PREX1: variants seen among roughly 807,000 people sequenced by gnomAD.
PREX1 encodes the protein phosphatidylinositol 3,4,5-trisphosphate-dependent Rac exchanger 1 protein.
PREX1 carries 41 observed loss-of-function variants against 198.3 expected under a neutral mutation model. The ratio of observed to expected loss-of-function variants is 0.21; its 90% CI spans 0.16 to 0.27. The LOEUF (loss-of-function observed/expected upper bound fraction) is 0.27, where lower values mean the gene tolerates loss of function less well. Ranked by LOEUF, PREX1 falls within the 10% of genes least tolerant of loss-of-function variation. The probability of loss-of-function intolerance (pLI) is 1.00; values close to 1 mark genes in which losing one functional copy is unlikely to be tolerated. For synonymous variants in PREX1, 843 were observed against 887.2 expected, an observed-to-expected ratio of 0.95 and a Z score of 0.89; for missense variants, 1,620 against 2,200.7, an observed-to-expected ratio of 0.74 and a Z score of 5.28.
chr20:48,670,889 C>T (rs762466414), intron 14 of PREX1, among the ~76,000 whole-genome samples: 1 of 152,164 alleles, frequency 6.6e-6, no homozygotes, highest in Non-Finnish European at 1.5e-5. Flanking sequence ...ATAACCCAAG[C>T]CTCAGTTTCT....
chr20:48,649,421 G>T lies in PREX1; in HGVS notation c.3184C>A (p.Arg1062=), dbSNP rs186606574. 2 of 1,614,010 alleles carry T rather than the reference G, an allele frequency of 1.2e-6. No homozygotes were observed. Among genetic ancestry groups the T allele is most frequent in the Admixed American group, 1.7e-5 (1 of 60,000 alleles). Residue 1062 remains arginine, a synonymous_variant, in exon 25 of 40, where the codon CGG becomes AGG. Transcript: ENST00000371941. ...PASGTLGQED[R]GLSFLLKQED... ...TGCTTGAGTAGGAAGCTGAGGCCCC[G>T]GTCTTCCTGACCAAGGGTCCCACTG...
intron 37 of PREX1, among the ~76,000 whole-genome samples, chr20:48,628,468 T>A (rs2089290091): frequency 6.6e-6 from 1 of 152,140 alleles, no homozygotes; most frequent in South Asian, 2.1e-4. Context: ...AACCTCAGCC[T>A]CCCTATACTA....
At chr20:48,880,302 T>C in the PREX1 span, among the ~76,000 whole-genome samples, 23 of 152,266 alleles carry the variant, frequency 1.5e-4, no homozygotes, top group Middle Eastern at 3.4e-3. Context: ...GTATATCCGA[T>C]TGGTATTGTG....
chr20:48,848,036 A>G, the PREX1 span, among the ~76,000 whole-genome samples: 1 of 152,178 alleles, frequency 6.6e-6, no homozygotes, highest in Non-Finnish European at 1.5e-5. Context: ...CTTTGGGGCT[A>G]TTATGAAAGA....
At chr20:48,774,913 C>T (rs574669649) in intron 1 of PREX1, among the ~76,000 whole-genome samples, 4 of 152,344 alleles carry the variant, frequency 2.6e-5, no homozygotes, top group South Asian at 2.1e-4. Context: ...TTCCACAGAG[C>T]GAGGCTGAAT....
At chr20:48,645,106 G>C (rs1012430928) in intron 26 of PREX1, among the ~76,000 whole-genome samples, 1 of 152,252 alleles carries the variant, frequency 6.6e-6, no homozygotes, top group Non-Finnish European at 1.5e-5. Context: ...ACAGACGCCA[G>C]GCGAGCAGCC....
intron 14 of PREX1, among the ~76,000 whole-genome samples, chr20:48,675,925 TAC>T (rs1430687842): frequency 6.6e-6 from 1 of 151,698 alleles, no homozygotes; most frequent in Non-Finnish European, 1.5e-5. Context: ...TAATACCAGC[TAC>T]TTGGGAGGCT....
chr20:48,828,009 G>A (rs1256427736), upstream of PREX1: 1 of 176,792 alleles, frequency 5.7e-6, no homozygotes, highest in Non-Finnish European at 1.1e-5. Flanking sequence ...TGGGGGCCGG[G>A]CGGCTGGGCC....
Position 48,666,398 on chromosome 20 carries a change from C to A in PREX1, c.1666-43G>T. The A allele has an allele frequency of 6.7e-7, 1 of 1,502,330 alleles. No individual in the cohort carries two copies. Among genetic ancestry groups the A allele is most frequent in the Non-Finnish European group, 9.0e-7 (1 of 1,108,860 alleles). The allele number at this position is 1,502,330 out of a possible 1,614,324, so 93.1% of individuals were successfully genotyped here. On this transcript the variant is annotated intron_variant, in intron 14 of 39. Coordinates refer to ENST00000371941, the MANE Select transcript of PREX1 (RefSeq NM_020820.4). This position sits in a 1 kb window ranked among gnomAD's most constrained non-coding sequence, Gnocchi z 4.3. Reference sequence around the variant, plus strand: ...GGGGAGGGTGTTAGGTGGCAGCATCCGAGAGGCCATGCATGGCCAACGAGA... The same window carrying A: ...GGGGAGGGTGTTAGGTGGCAGCATCAGAGAGGCCATGCATGGCCAACGAGA...
chr20:48,748,451 A>C (rs976997567), intron 1 of PREX1, among the ~76,000 whole-genome samples: 7 of 151,950 alleles, frequency 4.6e-5, no homozygotes, highest in African/African-American at 1.7e-4. Context: ...ATGCAAAAAC[A>C]AACACACACA....
chr20:48,642,586 C>G (rs978615617), intron 27 of PREX1, 97 bp from the exon 28 acceptor site: 1 of 1,108,172 alleles, frequency 9.0e-7, no homozygotes, highest in Non-Finnish European at 1.3e-6. Flanking sequence ...TACAGAACTC[C>G]AAACCCACAA....
chr20:48,839,844 C>T, the PREX1 span, among the ~76,000 whole-genome samples: 1 of 152,162 alleles, frequency 6.6e-6, no homozygotes, highest in Non-Finnish European at 1.5e-5. Flanking sequence ...TTGGAAGCCG[C>T]GGTTGAAGGT....
chr20:48,631,144 C>A (rs765436725), intron 35 of PREX1, among the ~76,000 whole-genome samples: 3 of 152,186 alleles, frequency 2.0e-5, no homozygotes, highest in Admixed American at 1.3e-4. Flanking sequence ...GTTTACTGTT[C>A]GTCTCCCCCT....
chr20:48,733,098 A>G (rs975206597), intron 4 of PREX1, among the ~76,000 whole-genome samples: 1 of 152,264 alleles, frequency 6.6e-6, no homozygotes, highest in African/African-American at 2.4e-5. Flanking sequence ...CTCATACACA[A>G]CAGATAGTGG....
At position 48,649,244 on chromosome 20, in the gene PREX1, C is replaced by T; in HGVS notation, c.3305+56G>A. The T allele has an allele frequency of 3.8e-6, 6 of 1,576,432 alleles. No homozygotes were observed. In the South Asian group the frequency reaches 7.0e-5, roughly 19 times the overall value. On this transcript the variant is annotated intron_variant, in intron 25 of 39. Transcript: ENST00000371941. ...GATGCTACCCACAATGTCAGTAAGG[C>T]CAGGATTGAGAACACCTGCCCCTGC...
intron 2 of PREX1, among the ~76,000 whole-genome samples, chr20:48,746,053 G>A (rs1342142549): frequency 3.3e-5 from 5 of 151,988 alleles, no homozygotes; most frequent in Admixed American, 6.6e-5. Flanking sequence ...TCGCTCTGTC[G>A]CCCAGGCTGG....
intron 14 of PREX1, among the ~76,000 whole-genome samples, chr20:48,673,117 C>G (rs6019358): frequency 0.29 from 43,649 of 151,908 alleles, 8,704 homozygotes; most frequent in African/African-American, 0.57. Flanking sequence ...CAAAAGCTGA[C>G]AAGGAGCGGA....
In PREX1 at chr20:48,650,112, T is replaced by C. The variant is rs537318123; in HGVS notation, c.2912A>G (p.Asn971Ser). The C allele has an allele frequency of 5.6e-6, 9 of 1,613,986 alleles. No individual in the cohort carries two copies. The highest frequency in any genetic ancestry group is 1.3e-5 in the African/African-American group (1 of 75,036). Residue 971 changes from asparagine to serine, a missense_variant, in exon 24 of 40, where the codon AAT becomes AGT. Around this residue, in one of 7 missense-constraint regions of PREX1, gnomAD observed 514 missense variants for 611.6 expected, o/e 0.84. Coordinates refer to ENST00000371941, the MANE Select transcript of PREX1 (RefSeq NM_020820.4). ...CACTTCCATGAGGTTGATGTGGCAATTGGTGGGGCAGAAGTCCAGGCCACA... is the reference window on the plus strand; with the variant it reads ...CACTTCCATGAGGTTGATGTGGCAACTGGTGGGGCAGAAGTCCAGGCCACA... ...PLCGLDFCPTNCHINLMEVSY... is the reference protein window; with the variant it reads ...PLCGLDFCPTSCHINLMEVSY...
At chr20:48,652,390 T>C (rs1016180267) in intron 21 of PREX1, among the ~76,000 whole-genome samples, 196 bp downstream of exon 21, 1 of 151,020 alleles carries the variant, frequency 6.6e-6, no homozygotes, top group African/African-American at 2.4e-5. Flanking sequence ...CAGTGAGCTG[T>C]GGTCACAACA....
Sources: gnomAD v4.1 joint callset for allele counts (sites outside exome capture counted in the v4.1 genomes callset) on GRCh38, gnomAD v4.1.1 for gene constraint, gnomAD v4.1.1 regional missense constraint, Gnocchi (gnomAD v3.1) non-coding constraint, MANE v1.5 for transcripts, NCBI Gene and HGNC (gene_info 2026-07-23, HGNC 2026-07-21) for gene names.